The following SPAG16 variants were observed in gnomAD, a reference collection of about 807,000 sequenced individuals.
The protein encoded by SPAG16 is sperm-associated antigen 16 protein.
A neutral mutation model predicts 80.4 loss-of-function variants in SPAG16; 86 were observed. The observed-to-expected ratio is 1.07, with a 90% CI of 0.90 to 1.28. The LOEUF (loss-of-function observed/expected upper bound fraction) is 1.28. Ranked by LOEUF, SPAG16 falls within the 50% of genes most tolerant of loss-of-function variation. SPAG16 has a pLI of 0.00. For synonymous variants in SPAG16, 294 were observed against 265.9 expected (o/e 1.11, Z -1.03); for missense variants, 870 against 765.3 (o/e 1.14, Z -1.61).
chr2:213,707,865 C>A (rs1216707275), intron 10 of SPAG16, among the ~76,000 whole-genome samples: 1 of 152,014 alleles, frequency 6.6e-6, no homozygotes, highest in Non-Finnish European at 1.5e-5. Context: ...GGGTTTGGTT[C>A]CATGTGTGAT....
In SPAG16 at chr2:213,544,908, A is replaced by G. The variant is rs1200920633; in HGVS notation, c.1070+54818A>G. Among the ~76,000 whole-genome samples, 5 of 152,106 alleles carry G rather than the reference A, an allele frequency of 3.3e-5. 1 individual carries two copies. Among genetic ancestry groups the G allele is most frequent in the African/African-American group, 1.2e-4 (5 of 41,436 alleles). On this transcript the variant is annotated intron_variant, in intron 10 of 15. Transcript: ENST00000331683. The stretch of plus-strand genomic sequence containing the variant: ...CCATTGTCTAGCTGTACCACAGTTC[A>G]TTCATTCACCCACTCAAGGACAGCT...
At chr2:213,659,632 C>T (rs190345027) in intron 10 of SPAG16, among the ~76,000 whole-genome samples, 1 of 152,278 alleles carries the variant, frequency 6.6e-6, no homozygotes, top group African/African-American at 2.4e-5. Context: ...ATTTTCGACT[C>T]ACAAAGCAAC....
At chr2:213,794,798 T>A (rs896643555) in intron 10 of SPAG16, among the ~76,000 whole-genome samples, 2 of 152,096 alleles carry the variant, frequency 1.3e-5, no homozygotes, top group African/African-American at 4.8e-5. Flanking sequence ...CAAATTTGGA[T>A]AAGATAAACA....
intron 8 of SPAG16, chr2:213,364,423 C>T (rs532950171): frequency 5.4e-6 from 1 of 185,054 alleles, no homozygotes; most frequent in South Asian, 1.9e-4. Context: ...TAAAGCTAAG[C>T]TGTAAGATCA....
At chr2:213,431,860 G>A (rs1378337067) in intron 9 of SPAG16, among the ~76,000 whole-genome samples, 3 of 151,718 alleles carry the variant, frequency 2.0e-5, no homozygotes, top group Non-Finnish European at 4.4e-5. Context: ...CACAAAACAA[G>A]TCTCAACAAA....
chr2:213,463,313 C>A (rs1362771352), intron 9 of SPAG16, among the ~76,000 whole-genome samples: 1 of 152,242 alleles, frequency 6.6e-6, no homozygotes, highest in Non-Finnish European at 1.5e-5. Flanking sequence ...GGGAGAAATT[C>A]AAGCCAGCTG....
intron 10 of SPAG16, among the ~76,000 whole-genome samples, chr2:213,721,148 TGAGTGCAGTG>T (rs2066515891): frequency 6.6e-6 from 1 of 151,582 alleles, no homozygotes; most frequent in Non-Finnish European, 1.5e-5. Flanking sequence ...TAACCCAGGC[TGAGTGCAGTG>T]GCTTGATCTC....
chr2:214,407,254 T>C (rs977772649), intron 15 of SPAG16, among the ~76,000 whole-genome samples: 3 of 152,106 alleles, frequency 2.0e-5, no homozygotes, highest in Non-Finnish European at 4.4e-5. Context: ...ATAATTATTC[T>C]TGTTAAAATA....
At chr2:213,786,930 AAAGTGATAAAAATGATAT>A (rs2070380056) in intron 10 of SPAG16, among the ~76,000 whole-genome samples, 1 of 152,144 alleles carries the variant, frequency 6.6e-6, no homozygotes, top group Non-Finnish European at 1.5e-5. Flanking sequence ...TTTCATGTGG[AAAGTGATAAAAATGATAT>A]AAGTGGTATG....
chr2:213,546,693 G>A (rs528463962), intron 10 of SPAG16, among the ~76,000 whole-genome samples: 94 of 152,040 alleles, frequency 6.2e-4, no homozygotes, highest in African/African-American at 2.1e-3. Context: ...TTGTTAAAGC[G>A]GCCTCCTCCT....
intron 15 of SPAG16, among the ~76,000 whole-genome samples, chr2:214,291,521 G>T (rs939137206): frequency 1.3e-5 from 2 of 151,330 alleles, no homozygotes; most frequent in Non-Finnish European, 2.9e-5. Flanking sequence ...TAGCCGGGAT[G>T]GTCTCGATCT....
intron 11 of SPAG16, among the ~76,000 whole-genome samples, chr2:213,920,065 C>T (rs10932515): frequency 0.59 from 88,959 of 151,936 alleles, 27,837 homozygotes; most frequent in South Asian, 0.84. Context: ...TCGTCTCTAT[C>T]TGTTTAAAGT....
intron 2 of SPAG16, chr2:213,296,962 A>G (rs1438057470): frequency 1.2e-6 from 1 of 826,932 alleles, no homozygotes. Flanking sequence ...AAGAATGGTG[A>G]TATTTAGATA....
At chr2:213,836,118 A>G (rs1034758872) in intron 10 of SPAG16, among the ~76,000 whole-genome samples, 23 of 151,820 alleles carry the variant, frequency 1.5e-4, no homozygotes, top group Admixed American at 5.3e-4. Context: ...AACTGGTAAT[A>G]CTAATTTTAT....
At chr2:213,667,345 T>A (rs1424063345) in intron 10 of SPAG16, among the ~76,000 whole-genome samples, 1 of 152,116 alleles carries the variant, frequency 6.6e-6, no homozygotes, top group Non-Finnish European at 1.5e-5. Flanking sequence ...GAGTCAGGAG[T>A]TCTGGGAGAT....
chr2:213,430,898 T>C (rs558477788), intron 9 of SPAG16, among the ~76,000 whole-genome samples: 2 of 152,200 alleles, frequency 1.3e-5, no homozygotes, highest in African/African-American at 4.8e-5. Context: ...AGAAACCTTA[T>C]AAATCAAAAA....
At chr2:213,389,019 A>G (rs1229766069) in intron 9 of SPAG16, among the ~76,000 whole-genome samples, 1 of 152,206 alleles carries the variant, frequency 6.6e-6, no homozygotes, top group African/African-American at 2.4e-5. Flanking sequence ...TTTCTAAACT[A>G]CTGCAAAGCT....
rs1013303347 is a variant in SPAG16 at position 214,125,004 on chromosome 2, GA to G, written c.1593+16745del. ...TTGCATTCAGAAACCTAAATTCATT[GA>G]ATTTTTTTCTGAAACCATTCAAGTT... On this transcript the variant is annotated intron_variant, in intron 14 of 15. Transcript: ENST00000331683. Among the ~76,000 whole-genome samples, 11 of 151,602 alleles carry G rather than the reference GA, an allele frequency of 7.3e-5. 1 individual carries two copies. In the Admixed American group the frequency reaches 7.4e-4, roughly 10 times the overall value.
chr2:213,820,782 T>C (rs937218932), intron 10 of SPAG16, among the ~76,000 whole-genome samples: 2 of 152,068 alleles, frequency 1.3e-5, no homozygotes, highest in Non-Finnish European at 2.9e-5. Context: ...TTTGTGACCA[T>C]TTTTATCTTT....
Sources: allele counts gnomAD v4.1 joint callset (sites outside exome capture counted in the v4.1 genomes callset), GRCh38; gene constraint gnomAD v4.1.1; transcripts MANE v1.5; gene names NCBI Gene and HGNC (gene_info 2026-07-23, HGNC 2026-07-21).